Variants in FUT9 observed in about 807,000 individuals in gnomAD.
The protein encoded by FUT9 is 4-galactosyl-N-acetylglucosaminide 3-alpha-L-fucosyltransferase 9.
In FUT9, 15 loss-of-function variants were observed where a neutral mutation model predicts 29.7. The observed-to-expected ratio is 0.51, with a 90% CI of 0.34 to 0.78. The LOEUF (loss-of-function observed/expected upper bound fraction) is 0.78. Ranked by LOEUF, FUT9 falls within the 30% of genes least tolerant of loss-of-function variation. The pLI, the probability that FUT9 is intolerant of heterozygous loss-of-function variation, is 0.01. For missense variants in FUT9, 319 were observed against 425.4 expected (o/e 0.75, Z 2.20); for synonymous variants, 169 against 153.7 (o/e 1.10, Z -0.74).
intron 1 of FUT9, among the ~76,000 whole-genome samples, chr6:96,035,493 G>T (rs1028362515): frequency 2.7e-5 from 4 of 149,954 alleles, no homozygotes; most frequent in Non-Finnish European, 5.9e-5. Context: ...CTTAATACAT[G>T]CATACAACAC....
At chr6:96,135,137 G>A (rs1468905099) in intron 2 of FUT9, among the ~76,000 whole-genome samples, 11 of 151,928 alleles carry the variant, frequency 7.2e-5, no homozygotes, top group Admixed American at 7.2e-4. Context: ...GGGAGACAAT[G>A]TGGAAGATAA....
At chr6:96,187,779 G>A (rs1276898513) in intron 2 of FUT9, among the ~76,000 whole-genome samples, 3 of 152,078 alleles carry the variant, frequency 2.0e-5, no homozygotes, top group Admixed American at 6.6e-5. Context: ...GGACATAAGT[G>A]AAATGTTTAC....
At position 96,084,908 on chromosome 6, in the gene FUT9, A is replaced by C. The variant is rs1226963338; in HGVS notation, c.-97-29131A>C. Among the ~76,000 whole-genome samples the C allele has an allele frequency of 2.0e-5, 3 of 152,208 alleles. No homozygotes were observed. The East Asian group carries it at 5.8e-4, about 29-fold the overall frequency. On this transcript the variant is annotated intron_variant, in intron 1 of 2. Transcript: ENST00000302103. ...TATGTTTCGTGTGTGTCTATTATTT[A>C]ATTATTTTATATAAAGGATATTATG...
At chr6:96,058,468 C>CAAAAAAAA (rs3079049) in intron 1 of FUT9, among the ~76,000 whole-genome samples, 1,446 of 77,022 alleles carry the variant, frequency 0.019, 51 homozygotes, top group East Asian at 0.036. Context: ...GGCTTTATTC[C>CAAAAAAAA]AAAAAAAAAA....
At chr6:96,133,554 T>A (rs1772291195) in intron 2 of FUT9, among the ~76,000 whole-genome samples, 1 of 151,880 alleles carries the variant, frequency 6.6e-6, no homozygotes. Context: ...CACACTAGGT[T>A]CCACATTCTC....
At chr6:96,166,007 G>A (rs895391484) in intron 2 of FUT9, among the ~76,000 whole-genome samples, 2 of 152,060 alleles carry the variant, frequency 1.3e-5, no homozygotes, top group African/African-American at 4.8e-5. Flanking sequence ...GGTTTTGAGT[G>A]TGTAAAAAAA....
intron 2 of FUT9, among the ~76,000 whole-genome samples, chr6:96,161,125 A>C (rs1772892627): frequency 6.6e-6 from 1 of 152,140 alleles, no homozygotes; most frequent in South Asian, 2.1e-4. Context: ...ATAGCTAGAA[A>C]TTTGCTATCA....
intron 1 of FUT9, among the ~76,000 whole-genome samples, chr6:96,055,629 G>C (rs530754115): frequency 6.6e-6 from 1 of 150,612 alleles, no homozygotes; most frequent in Admixed American, 6.6e-5. Context: ...TTTCTTTATG[G>C]TGTGGTCTGT....
Position 96,134,509 on chromosome 6 carries a change from G to A in FUT9, c.-9+20382G>A, listed in dbSNP as rs150910289. 1.1e-4 allele frequency among the ~76,000 whole-genome samples: 17 copies of A among 151,758 alleles called. No individual in the cohort carries two copies. The East Asian group carries it at 2.9e-3, about 26-fold the overall frequency. On this transcript the variant is annotated intron_variant, in intron 2 of 2. Coordinates refer to ENST00000302103, the MANE Select transcript of FUT9 (RefSeq NM_006581.4). The stretch of plus-strand genomic sequence containing the variant: ...TCTATTGTTTTATAAAACTCTCTGT[G>A]TCCTTCTCCAAATATTTCAATATGA...
intron 2 of FUT9, among the ~76,000 whole-genome samples, chr6:96,195,685 TA>T (rs1279780698): frequency 6.6e-6 from 1 of 152,216 alleles, no homozygotes; most frequent in Non-Finnish European, 1.5e-5. Context: ...AGCTAAAGCG[TA>T]AAGCTTTTGT....
intron 1 of FUT9, among the ~76,000 whole-genome samples, chr6:96,028,819 C>T (rs868690481): frequency 4.6e-5 from 7 of 151,562 alleles, no homozygotes; most frequent in Non-Finnish European, 7.4e-5. Flanking sequence ...TAGAATCATA[C>T]TTTCCATGAT....
intron 1 of FUT9, among the ~76,000 whole-genome samples, chr6:96,055,459 G>T (rs1258435819): frequency 6.6e-6 from 1 of 150,802 alleles, no homozygotes; most frequent in Non-Finnish European, 1.5e-5. Context: ...CTTTGTCAAA[G>T]ATTATATTTA....
In FUT9 at chr6:96,092,093, A is replaced by G. The variant is rs568851951; in HGVS notation, c.-97-21946A>G. Among the ~76,000 whole-genome samples, 363 of 152,218 alleles carry G rather than the reference A, an allele frequency of 2.4e-3. 1 individual carries two copies. Among genetic ancestry groups the G allele is most frequent in the African/African-American group, 8.5e-3 (355 of 41,556 alleles). On this transcript the variant is annotated intron_variant, in intron 1 of 2. Coordinates refer to ENST00000302103, the MANE Select transcript of FUT9 (RefSeq NM_006581.4). ...TATGACAAAGTAGGGTGTATCCCAA[A>G]TGGACAATAATACTTTAACAGTAAA...
At chr6:96,126,429 C>T (rs1280687231) in intron 2 of FUT9, among the ~76,000 whole-genome samples, 2 of 152,110 alleles carry the variant, frequency 1.3e-5, no homozygotes, top group Non-Finnish European at 2.9e-5. Context: ...AGAGATCTGC[C>T]CCCATAACCA....
intron 2 of FUT9, among the ~76,000 whole-genome samples, chr6:96,162,203 C>CA (rs1772917920): frequency 6.6e-6 from 1 of 152,094 alleles, no homozygotes; most frequent in Non-Finnish European, 1.5e-5. Flanking sequence ...TTTTTCTCTT[C>CA]AAAACATGTT....
At chr6:96,112,947 T>G (rs946917035) in intron 1 of FUT9, among the ~76,000 whole-genome samples, 5 of 152,200 alleles carry the variant, frequency 3.3e-5, no homozygotes, top group African/African-American at 1.2e-4. Flanking sequence ...TAATCATGTA[T>G]GTTGGCTGAC....
chr6:96,096,333 C>A (rs1212039395), intron 1 of FUT9, among the ~76,000 whole-genome samples: 1 of 150,650 alleles, frequency 6.6e-6, no homozygotes, highest in Non-Finnish European at 1.5e-5. Flanking sequence ...CCCCCAGGAT[C>A]CCTCATCTCA....
intron 1 of FUT9, among the ~76,000 whole-genome samples, chr6:96,034,150 A>G (rs529984337): frequency 1.3e-5 from 2 of 151,698 alleles, no homozygotes; most frequent in African/African-American, 4.8e-5. Context: ...CTTGATCTTC[A>G]TATCTTTTGG....
rs770245112 is a variant in FUT9, at chr6:96,211,575, A to G, written c.*7340A>G. 3.0e-5 allele frequency: 5 copies of G among 166,704 alleles called. No individual in the cohort carries two copies. The highest frequency in any genetic ancestry group is 4.4e-5 in the Non-Finnish European group (3 of 67,968). The allele number at this position is 166,704 out of a possible 1,614,324, so 10.3% of individuals were successfully genotyped here. On this transcript the variant is annotated 3_prime_UTR_variant, in exon 3 of 3. Transcript: ENST00000302103. ...AATATGTTAGGGTATAACTTCAATA[A>G]ACAGGAGTATTTATCTAGTGGTTCA... is the stretch of plus-strand genomic sequence containing the variant.
Sources: gnomAD v4.1 joint callset for allele counts (sites outside exome capture counted in the v4.1 genomes callset) on GRCh38, gnomAD v4.1.1 for gene constraint, MANE v1.5 for transcripts, NCBI Gene and HGNC (gene_info 2026-07-23, HGNC 2026-07-21) for gene names.